Variants in SH2B3 observed in about 807,000 individuals in gnomAD.
SH2B3 encodes SH2B adaptor protein 3.
SH2B3 carries 43 observed loss-of-function variants against 51.9 expected under a neutral mutation model. The ratio of observed to expected loss-of-function variants is 0.83; its 90% CI spans 0.65 to 1.07. The LOEUF is 1.07. SH2B3 is among the 50% of genes least tolerant of loss of function. The pLI is 0.00. For missense variants in SH2B3, 952 were observed against 834.3 expected (o/e 1.14, Z -1.74); for synonymous variants, 396 against 376.0 (o/e 1.05, Z -0.62).
chr12:111,448,427 G>A lies in SH2B3; in HGVS notation c.*125G>A, dbSNP rs1257869501. 1.9e-5 allele frequency: 15 copies of A among 775,558 alleles called. No homozygotes were observed. Among genetic ancestry groups the A allele is most frequent in the African/African-American group, 1.6e-4 (9 of 57,096 alleles). 48.0% of individuals were successfully genotyped at this position (775,558 alleles called of 1,614,324 possible). A position where few individuals can be genotyped will look rare whatever the true frequency, so the allele number is the denominator to read the frequency against. On this transcript the variant is annotated 3_prime_UTR_variant, in exon 8 of 8. Coordinates refer to ENST00000341259, the MANE Select transcript of SH2B3 (RefSeq NM_005475.3). ...ATTTAAGGGACACTGTTAACTGCTC[G>A]TGCCAGTTTGGAAGTGACCCTTCTA...
intron 1 of SH2B3, among the ~76,000 whole-genome samples, chr12:111,416,787 C>T (rs909385374): frequency 6.6e-5 from 10 of 152,352 alleles, no homozygotes; most frequent in South Asian, 2.1e-4. Context: ...AGCCACCGCG[C>T]GTGGCTGGTG....
chr12:111,409,846 C>T lies in SH2B3; in HGVS notation c.-28+3569C>T, dbSNP rs1435258465. 1.3e-5 allele frequency among the ~76,000 whole-genome samples: 2 copies of T among 152,244 alleles called. No individual in the cohort carries two copies. Among genetic ancestry groups the T allele is most frequent in the African/African-American group, 4.8e-5 (2 of 41,466 alleles). The stretch of plus-strand genomic sequence containing the variant: ...CACCACTAGCCATCCTTCCTCCCAG[C>T]AGGGGCAGAGGACACTTCCCCAGGG... On this transcript the variant is annotated intron_variant, in intron 1 of 7. Transcript: ENST00000341259. This position sits in a 1 kb window ranked among gnomAD's most constrained non-coding sequence, Gnocchi z 4.0.
In SH2B3 at chr12:111,429,632, C is replaced by T. The variant is rs1440041389; in HGVS notation, c.732+10755C>T. Among the ~76,000 whole-genome samples, 1 of 152,220 alleles carries T rather than the reference C, an allele frequency of 6.6e-6. No individual in the cohort carries two copies. Among genetic ancestry groups the T allele is most frequent in the African/African-American group, 2.4e-5 (1 of 41,452 alleles). Reference sequence around the variant, plus strand: ...TACAGGCGTGAGCTACCGCGCCCGGCCCATTTTTATTAATTGGTTTTCATG... The same window carrying T: ...TACAGGCGTGAGCTACCGCGCCCGGTCCATTTTTATTAATTGGTTTTCATG... On this transcript the variant is annotated intron_variant, in intron 2 of 7. Coordinates refer to ENST00000341259, the MANE Select transcript of SH2B3 (RefSeq NM_005475.3). The surrounding 1 kb of genome is among the most constrained non-coding windows in gnomAD (Gnocchi z 4.4).
chr12:111,418,244 C>G lies in SH2B3; in HGVS notation c.99C>G (p.His33Gln), dbSNP rs976292388. Residue 33 changes from histidine (H) to glutamine (Q), a missense_variant, in exon 2 of 8, where the codon CAC becomes CAG. Physicochemically the swap from His to Gln is conservative, Grantham distance 24. Transcript: ENST00000341259. This position sits in a 1 kb window ranked among gnomAD's most constrained non-coding sequence, Gnocchi z 6.7. ...PRGWSEFCELHAVAAARELAR... is the reference protein window; with the variant it reads ...PRGWSEFCELQAVAAARELAR... ...GCTGGAGCGAGTTCTGTGAGTTGCA[C>G]GCCGTAGCGGCGGCCCGGGAGCTGG... 1.5e-5 allele frequency: 23 copies of G among 1,551,938 alleles called. No homozygotes were observed. The highest frequency in any genetic ancestry group is 2.7e-5 in the African/African-American group (2 of 72,728).
chr12:111,446,220 A>G (rs2135611612), intron 2 of SH2B3, among the ~76,000 whole-genome samples: 1 of 152,374 alleles, frequency 6.6e-6, no homozygotes, highest in African/African-American at 2.4e-5. Context: ...CTGCAGGGTC[A>G]GTTGAGACCT....
At position 111,438,773 on chromosome 12, in the gene SH2B3, T is replaced by G. The variant is rs1315073305; in HGVS notation, c.733-7980T>G. Among the ~76,000 whole-genome samples the G allele has an allele frequency of 6.6e-6, 1 of 152,142 alleles. No individual in the cohort carries two copies. Among genetic ancestry groups the G allele is most frequent in the Non-Finnish European group, 1.5e-5 (1 of 68,024 alleles). On this transcript the variant is annotated intron_variant, in intron 2 of 7. Transcript: ENST00000341259. This position sits in a 1 kb window ranked among gnomAD's most constrained non-coding sequence, Gnocchi z 4.2. ...GTCAGGGAGGGCCTCCCTGAGGAGA[T>G]GACACTTTGAAAAGCAGTCGTATTT...
Position 111,418,622 on chromosome 12 carries a change from C to G in SH2B3, c.477C>G (p.Thr159=). The change falls in exon 2 of 8, where the codon ACC becomes ACG. Residue 159 remains threonine (T), a synonymous_variant. Transcript: ENST00000341259. This position sits in a 1 kb window ranked among gnomAD's most constrained non-coding sequence, Gnocchi z 6.7. ...RSAGELPAAH[T]AAAPGTPGEA... ...CCGGGGAGCTGCCAGCGGCCCACACCGCTGCCGCCCCCGGGACCCCCGGAG... is the reference window on the plus strand; with the variant it reads ...CCGGGGAGCTGCCAGCGGCCCACACGGCTGCCGCCCCCGGGACCCCCGGAG... 8 of 1,477,498 alleles carry G rather than the reference C, an allele frequency of 5.4e-6. No individual in the cohort carries two copies. Among genetic ancestry groups the G allele is most frequent in the Non-Finnish European group, 7.1e-6 (8 of 1,123,730 alleles). The allele number at this position is 1,477,498 out of a possible 1,614,324, so 91.5% of individuals were successfully genotyped here. A position where few individuals can be genotyped will look rare whatever the true frequency, so the allele number is the denominator to read the frequency against.
chr12:111,411,547 C>T (rs745577791), intron 1 of SH2B3, among the ~76,000 whole-genome samples: 5 of 152,100 alleles, frequency 3.3e-5, no homozygotes, highest in Admixed American at 6.6e-5. Flanking sequence ...ATTAAGGGGA[C>T]CCCACAGCTC....
In SH2B3 at chr12:111,409,660, C is replaced by T. The variant is rs548673815; in HGVS notation, c.-28+3383C>T. Among the ~76,000 whole-genome samples, 2 of 152,310 alleles carry T rather than the reference C, an allele frequency of 1.3e-5. No homozygotes were observed. The highest frequency in any genetic ancestry group is 6.5e-5 in the Admixed American group (1 of 15,302). On this transcript the variant is annotated intron_variant, in intron 1 of 7. Transcript: ENST00000341259. This position sits in a 1 kb window ranked among gnomAD's most constrained non-coding sequence, Gnocchi z 4.0. ...GGCCTTATTGGACCCAGGAGTCCTG[C>T]ACCCCACCTCCCCAGCTTCCCGGGG... is the stretch of plus-strand genomic sequence containing the variant.
intron 2 of SH2B3, among the ~76,000 whole-genome samples, chr12:111,436,683 A>T (rs1348847511): frequency 1.3e-5 from 2 of 149,284 alleles, no homozygotes; most frequent in Admixed American, 6.7e-5. Flanking sequence ...TAGGGAGGCC[A>T]CTCTAGCATC....
At chr12:111,440,968 AG>A (rs1447782709) in intron 2 of SH2B3, among the ~76,000 whole-genome samples, 1 of 152,174 alleles carries the variant, frequency 6.6e-6, no homozygotes, top group Non-Finnish European at 1.5e-5. Context: ...TCATATTCTC[AG>A]GGAAGGGTAG....
In SH2B3 at chr12:111,418,179, T is replaced by G; in HGVS notation, c.34T>G (p.Ser12Ala). The change falls in exon 2 of 8, where the codon TCT (serine) becomes GCT (alanine). Residue 12 changes from serine (S) to alanine (A), a missense_variant. By Grantham distance (99) the Ser-to-Ala change is moderately conservative. Coordinates refer to ENST00000341259, the MANE Select transcript of SH2B3 (RefSeq NM_005475.3). This position sits in a 1 kb window ranked among gnomAD's most constrained non-coding sequence, Gnocchi z 6.7. Reference protein sequence around the residue: ...NGPALQPSSPSSAPSASPAAA... With the variant: ...NGPALQPSSPASAPSASPAAA... ...GCCTGCCCTGCAGCCCTCCTCGCCC[T>G]CTTCCGCGCCCTCAGCCTCCCCGGC... 1.3e-6 allele frequency: 2 copies of G among 1,557,304 alleles called. No homozygotes were observed.
At chr12:111,423,472 C>G (rs1413348082) in intron 2 of SH2B3, among the ~76,000 whole-genome samples, 3 of 151,978 alleles carry the variant, frequency 2.0e-5, no homozygotes, top group African/African-American at 7.2e-5. Flanking sequence ...CGGGTTCATG[C>G]CATTCTCCTG....
chr12:111,432,177 G>A (rs1489998403), intron 2 of SH2B3, among the ~76,000 whole-genome samples: 2 of 149,466 alleles, frequency 1.3e-5, no homozygotes, highest in Non-Finnish European at 3.0e-5. Flanking sequence ...TCAGGCTCCC[G>A]AGTAGCCAGG....
chr12:111,421,284 C>T (rs1871531617), intron 2 of SH2B3, among the ~76,000 whole-genome samples: 2 of 151,942 alleles, frequency 1.3e-5, no homozygotes, highest in African/African-American at 4.8e-5. Context: ...CTGGGATCAC[C>T]GTCACGTGCC....
rs779404560 is a variant in SH2B3 at position 111,447,729 on chromosome 12, T to C, written c.1310T>C (p.Met437Thr). Reference protein sequence around the residue: ...QHLHFPSVVDMLHHFQRSPIP... With the variant: ...QHLHFPSVVDTLHHFQRSPIP... The stretch of plus-strand genomic sequence containing the variant: ...CTCCACTTTCCCTCGGTCGTGGACA[T>C]GCTCCACCACTTCCAGCGCTCGCCC... Residue 437 changes from methionine to threonine, a missense_variant, in exon 7 of 8, where the codon ATG (methionine) becomes ACG (threonine). Met to Thr is a moderately conservative substitution (Grantham distance 81). Coordinates refer to ENST00000341259, the MANE Select transcript of SH2B3 (RefSeq NM_005475.3). 6 of 1,613,942 alleles carry C rather than the reference T, an allele frequency of 3.7e-6. No individual in the cohort carries two copies. Among genetic ancestry groups the C allele is most frequent in the Admixed American group, 3.3e-5 (2 of 59,996 alleles).
At chr12:111,413,112 T>C (rs1444579290) in intron 1 of SH2B3, among the ~76,000 whole-genome samples, 1 of 152,242 alleles carries the variant, frequency 6.6e-6, no homozygotes, top group African/African-American at 2.4e-5. Context: ...GGGGTCTCTA[T>C]AATCACTAGC....
chr12:111,419,131 C>T (rs1162810167), intron 2 of SH2B3, among the ~76,000 whole-genome samples: 1 of 149,644 alleles, frequency 6.7e-6, no homozygotes, highest in Non-Finnish European at 1.5e-5. Flanking sequence ...GGCAACTTAG[C>T]GAGACCCTAT....
Position 111,435,516 on chromosome 12 carries a change from G to A in SH2B3, c.733-11237G>A, listed in dbSNP as rs1038410436. Among the ~76,000 whole-genome samples, 2 of 152,134 alleles carry A rather than the reference G, an allele frequency of 1.3e-5. No individual in the cohort carries two copies. Among genetic ancestry groups the A allele is most frequent in the Non-Finnish European group, 1.5e-5 (1 of 68,008 alleles). On this transcript the variant is annotated intron_variant, in intron 2 of 7. Coordinates refer to ENST00000341259, the MANE Select transcript of SH2B3 (RefSeq NM_005475.3). The surrounding 1 kb of genome is among the most constrained non-coding windows in gnomAD (Gnocchi z 4.8). ...GCTGGGACTACACATGCACCACCACGCCTGGCTAATTTTTGAATTTTTAGT... is the reference window on the plus strand; with the variant it reads ...GCTGGGACTACACATGCACCACCACACCTGGCTAATTTTTGAATTTTTAGT...
Sources: gnomAD v4.1 joint callset for allele counts (sites outside exome capture counted in the v4.1 genomes callset) on GRCh38, gnomAD v4.1.1 for gene constraint, Gnocchi (gnomAD v3.1) non-coding constraint, MANE v1.5 for transcripts, NCBI Gene and HGNC (gene_info 2026-07-23, HGNC 2026-07-21) for gene names.